Variants in KALRN observed in about 807,000 individuals in gnomAD.
The protein encoded by KALRN is kalirin.
In KALRN, 70 loss-of-function variants were observed where a neutral mutation model predicts 353.7. That is an observed-to-expected ratio of 0.20 (90% CI 0.16 to 0.24). The LOEUF (loss-of-function observed/expected upper bound fraction) is 0.24. Ranked by LOEUF, KALRN falls within the 10% of genes least tolerant of loss-of-function variation. KALRN has a pLI of 1.00. For missense variants in KALRN, 2,791 were observed against 3,756.7 expected (o/e 0.74, Z 6.72); for synonymous variants, 1,391 against 1,434.8 (o/e 0.97, Z 0.69).
chr3:124,531,902 T>C (rs1407246291), intron 33 of KALRN, among the ~76,000 whole-genome samples: 1 of 152,164 alleles, frequency 6.6e-6, no homozygotes, highest in African/African-American at 2.4e-5. Context: ...GTCTCATATG[T>C]AGGGGGTCAG....
At chr3:124,222,886 T>C (rs2078071816) in intron 1 of KALRN, among the ~76,000 whole-genome samples, 1 of 152,108 alleles carries the variant, frequency 6.6e-6, no homozygotes, top group South Asian at 2.1e-4. Flanking sequence ...ATTATAGATG[T>C]GACCTACCAT....
chr3:124,287,487 T>C (rs923452675), intron 5 of KALRN, among the ~76,000 whole-genome samples: 1 of 151,610 alleles, frequency 6.6e-6, no homozygotes, highest in African/African-American at 2.4e-5. Flanking sequence ...TGGCTTCTAC[T>C]TCTCCGCTCC....
chr3:124,044,084 C>T (rs1577497652), intron 1 of KALRN, among the ~76,000 whole-genome samples: 1 of 152,282 alleles, frequency 6.6e-6, no homozygotes, highest in East Asian at 1.9e-4. Context: ...GAGCCCCTTG[C>T]TCATTCTTCT....
intron 1 of KALRN, among the ~76,000 whole-genome samples, chr3:124,184,018 T>A (rs1472919932): frequency 2.0e-5 from 3 of 152,156 alleles, no homozygotes; most frequent in Admixed American, 2.0e-4. Context: ...GGCAATTATA[T>A]GTTGAAGAAA....
intron 8 of KALRN, among the ~76,000 whole-genome samples, chr3:124,330,672 A>G (rs2080456682): frequency 6.6e-6 from 1 of 152,174 alleles, no homozygotes; most frequent in Middle Eastern, 3.4e-3. Context: ...GTAGATACAC[A>G]TAAGTTAGTA....
At chr3:124,517,206 A>G (rs937323875) in intron 33 of KALRN, among the ~76,000 whole-genome samples, 3 of 152,150 alleles carry the variant, frequency 2.0e-5, no homozygotes, top group Non-Finnish European at 4.4e-5. Context: ...TCACAAATGC[A>G]TGTGTATAGC....
intron 14 of KALRN, among the ~76,000 whole-genome samples, chr3:124,419,944 A>G (rs2092701777): frequency 6.6e-6 from 1 of 152,200 alleles, no homozygotes; most frequent in Non-Finnish European, 1.5e-5. Flanking sequence ...GCCGATTGAC[A>G]GATATTTACC....
intron 1 of KALRN, among the ~76,000 whole-genome samples, chr3:124,165,951 C>T (rs898917142): frequency 9.2e-5 from 14 of 152,104 alleles, no homozygotes; most frequent in African/African-American, 3.4e-4. Context: ...GCCTCCTGAC[C>T]CTCAAACATA....
intron 6 of KALRN, among the ~76,000 whole-genome samples, chr3:124,309,021 G>A (rs1179561006): frequency 6.6e-6 from 1 of 151,994 alleles, no homozygotes; most frequent in Non-Finnish European, 1.5e-5. Context: ...ATAAATAATT[G>A]CAAGCCAATA....
intron 5 of KALRN, among the ~76,000 whole-genome samples, chr3:124,285,228 A>G (rs952777875): frequency 2.0e-5 from 3 of 152,188 alleles, no homozygotes; most frequent in Non-Finnish European, 4.4e-5. Flanking sequence ...TAGGGAATCA[A>G]TGTTCAATAT....
chr3:124,158,740 G>A (rs1275122491), intron 1 of KALRN, among the ~76,000 whole-genome samples: 2 of 152,210 alleles, frequency 1.3e-5, no homozygotes, highest in African/African-American at 4.8e-5. Flanking sequence ...TCTGACGGAA[G>A]ATTACGGCAA....
intron 1 of KALRN, among the ~76,000 whole-genome samples, chr3:124,219,966 A>G (rs934812319): frequency 7.4e-5 from 11 of 149,148 alleles, no homozygotes; most frequent in African/African-American, 2.5e-4. Context: ...TTGTTTTGAG[A>G]TGGAGTCTCC....
intron 34 of KALRN, among the ~76,000 whole-genome samples, chr3:124,610,513 G>A (rs1198144060): frequency 1.3e-5 from 2 of 152,138 alleles, no homozygotes; most frequent in African/African-American, 2.4e-5. Flanking sequence ...GGGGTGATTA[G>A]GGCAGGTGGA....
At chr3:124,704,961 G>A (rs1439257087) in intron 57 of KALRN, among the ~76,000 whole-genome samples, 1 of 152,214 alleles carries the variant, frequency 6.6e-6, no homozygotes, top group Non-Finnish European at 1.5e-5. Flanking sequence ...CTGGGCCTTT[G>A]TGACTATTCT....
chr3:124,564,314 T>C (rs554195420), intron 34 of KALRN, among the ~76,000 whole-genome samples: 180 of 151,896 alleles, frequency 1.2e-3, no homozygotes, highest in African/African-American at 4.1e-3. Flanking sequence ...GCCCAGGAGT[T>C]TGAGGCTGCA....
At chr3:124,304,135 CA>C (rs2149254006) in intron 6 of KALRN, among the ~76,000 whole-genome samples, 1 of 149,920 alleles carries the variant, frequency 6.7e-6, no homozygotes, top group African/African-American at 2.4e-5. Context: ...TAAACACACA[CA>C]CACACACACA....
chr3:124,081,717 A>C (rs1478105786), intron 1 of KALRN, among the ~76,000 whole-genome samples: 2 of 152,208 alleles, frequency 1.3e-5, no homozygotes, highest in African/African-American at 4.8e-5. Context: ...AGATCAAGCC[A>C]CTGCACTCCA....
At chr3:124,263,526 T>A (rs7638513) in intron 3 of KALRN, among the ~76,000 whole-genome samples, 51,833 of 151,788 alleles carry the variant, frequency 0.34, 8,927 homozygotes, top group Middle Eastern at 0.38. Flanking sequence ...TGTAGTGCAC[T>A]GTGATTGTGC....
chr3:124,501,912 G>C (rs1246611633), intron 33 of KALRN, among the ~76,000 whole-genome samples: 3 of 152,222 alleles, frequency 2.0e-5, no homozygotes, highest in Non-Finnish European at 4.4e-5. Flanking sequence ...AAGGAGAAAG[G>C]ATGGCCATTT....
Sources: gnomAD v4.1 joint callset for allele counts (sites outside exome capture counted in the v4.1 genomes callset) on GRCh38, gnomAD v4.1.1 for gene constraint, MANE v1.5 for transcripts, NCBI Gene and HGNC (gene_info 2026-07-23, HGNC 2026-07-21) for gene names.